CHLSN: variants seen among roughly 807,000 people sequenced by gnomAD.
CHLSN encodes protein cholesin.
At chr7:1,130,485 C>T in the CHLSN span, among the ~76,000 whole-genome samples, 1 of 152,114 alleles carries the variant, frequency 6.6e-6, no homozygotes, top group African/African-American at 2.4e-5. Flanking sequence ...CTCACTCATG[C>T]AGGACAGCAG....
chr7:1,032,478 G>A, the CHLSN span, among the ~76,000 whole-genome samples: 2 of 150,954 alleles, frequency 1.3e-5, no homozygotes, highest in African/African-American at 4.8e-5. Context: ...GCACCCCCAG[G>A]TGACAGTGGC....
the CHLSN span, among the ~76,000 whole-genome samples, chr7:1,125,288 A>T: frequency 6.6e-6 from 1 of 152,200 alleles, no homozygotes; most frequent in Non-Finnish European, 1.5e-5. Context: ...GCCGCTTTGA[A>T]GGGCCCACGT....
At chr7:1,002,640 GGGAGTCCTGCGGGTGAGT>G in the CHLSN span, among the ~76,000 whole-genome samples, 8 of 108,902 alleles carry the variant, frequency 7.3e-5, no homozygotes, top group South Asian at 7.1e-4. Context: ...CCTGTGGGTG[GGGAGTCCTGCGGGTGAGT>G]GGAGTCCTGC....
At chr7:1,049,114 C>T in the CHLSN span, among the ~76,000 whole-genome samples, 3 of 152,226 alleles carry the variant, frequency 2.0e-5, no homozygotes, top group Non-Finnish European at 4.4e-5. Flanking sequence ...CCCACAGGTG[C>T]GTCCTGGGGG....
At chr7:1,083,543 G>C in the CHLSN span, among the ~76,000 whole-genome samples, 1 of 152,016 alleles carries the variant, frequency 6.6e-6, no homozygotes, top group Non-Finnish European at 1.5e-5. Context: ...CAGGAGAACG[G>C]TGTGAACCCG....
the CHLSN span, chr7:1,091,720 T>C: frequency 0.62 from 946,347 of 1,514,496 alleles, 298,678 homozygotes; most frequent in African/African-American, 0.8. Flanking sequence ...AGCTGCACGG[T>C]GCAGAGACAT....
At chr7:1,074,777 G>T in the CHLSN span, 1 of 152,532 alleles carries the variant, frequency 6.6e-6, no homozygotes, top group African/African-American at 2.4e-5. Context: ...CTGGGGAGGT[G>T]AGGCCCGCGC....
At chr7:1,057,403 CAGG>C in the CHLSN span, 5 of 609,442 alleles carry the variant, frequency 8.2e-6, no homozygotes, top group East Asian at 8.2e-5. Flanking sequence ...ATTACTGCAC[CAGG>C]AGAAGGCACC....
the CHLSN span, among the ~76,000 whole-genome samples, chr7:1,048,301 C>T: frequency 6.6e-6 from 1 of 152,108 alleles, no homozygotes; most frequent in South Asian, 2.1e-4. Flanking sequence ...AAGAACTTCC[C>T]GACTAACAGG....
the CHLSN span, among the ~76,000 whole-genome samples, chr7:1,036,777 C>G: frequency 2.1e-4 from 26 of 124,758 alleles, 2 homozygotes; most frequent in East Asian, 3.7e-3. Flanking sequence ...ATTTCTGGCT[C>G]TGAAGGCGAA....
the CHLSN span, among the ~76,000 whole-genome samples, chr7:1,111,799 C>G: frequency 7.0e-6 from 1 of 142,510 alleles, no homozygotes; most frequent in Non-Finnish European, 1.5e-5. Flanking sequence ...GAGACCCTCT[C>G]AAAAAAAAAA....
chr7:1,104,549 A>G, the CHLSN span, among the ~76,000 whole-genome samples: 10 of 152,238 alleles, frequency 6.6e-5, no homozygotes, highest in Non-Finnish European at 1.3e-4. Flanking sequence ...CCTCCAGGTC[A>G]GCGCAACTGT....
the CHLSN span, among the ~76,000 whole-genome samples, chr7:1,117,611 C>T: frequency 1.2e-4 from 16 of 137,514 alleles, no homozygotes; most frequent in South Asian, 2.3e-4. Context: ...CCATCACCGA[C>T]GCTCACGCAG....
chr7:1,120,006 A>G, the CHLSN span, among the ~76,000 whole-genome samples: 1 of 152,184 alleles, frequency 6.6e-6, no homozygotes, highest in South Asian at 2.1e-4. Flanking sequence ...AAAAATATAA[A>G]AGAGAAGCAC....
At chr7:1,106,568 G>A in the CHLSN span, among the ~76,000 whole-genome samples, 1 of 152,190 alleles carries the variant, frequency 6.6e-6, no homozygotes, top group South Asian at 2.1e-4. Context: ...GGAGGAGCCC[G>A]GCCCACATGA....
chr7:1,117,056 G>A, the CHLSN span, among the ~76,000 whole-genome samples: 1 of 114,350 alleles, frequency 8.7e-6, no homozygotes. Context: ...CATCACCGAC[G>A]CCCACGCAGG....
At chr7:1,134,467 G>A in the CHLSN span, among the ~76,000 whole-genome samples, 5 of 151,712 alleles carry the variant, frequency 3.3e-5, no homozygotes, top group East Asian at 1.9e-4. Context: ...CCAGCTACTC[G>A]GGAGGCTGAG....
the CHLSN span, among the ~76,000 whole-genome samples, chr7:1,073,414 GC>G: frequency 2.6e-5 from 4 of 151,986 alleles, no homozygotes; most frequent in Non-Finnish European, 5.9e-5. Context: ...CTGAGCTCCC[GC>G]CGCCCCTCAG....
the CHLSN span, among the ~76,000 whole-genome samples, chr7:1,111,479 G>C: frequency 4.6e-5 from 7 of 152,262 alleles, no homozygotes; most frequent in East Asian, 1.9e-4. Flanking sequence ...TTTATTCAAG[G>C]GCCTGCTGTT....
Sources: allele counts gnomAD v4.1 joint callset (sites outside exome capture counted in the v4.1 genomes callset), GRCh38; gene constraint gnomAD v4.1.1; transcripts MANE v1.5; gene names NCBI Gene and HGNC (gene_info 2026-07-23, HGNC 2026-07-21).